Variants in KDM5A observed in about 807,000 individuals in gnomAD.
KDM5A encodes lysine-specific demethylase 5A.
KDM5A carries 42 observed loss-of-function variants against 193.5 expected under a neutral mutation model. The ratio of observed to expected loss-of-function variants is 0.22; its 90% confidence interval spans 0.17 to 0.28. The LOEUF (loss-of-function observed/expected upper bound fraction) is 0.28, where lower values mean the gene tolerates loss of function less well. Among genes scored for constraint, KDM5A ranks in the 10% least tolerant of loss-of-function variants. KDM5A has a pLI of 1.00. For synonymous variants in KDM5A, 796 were observed against 718.1 expected (o/e 1.11, Z -1.73); for missense variants, 1,692 against 2,055.1 (o/e 0.82, Z 3.42).
At chr12:291,026 T>C (rs1591895906) in intron 27 of KDM5A, among the ~76,000 whole-genome samples, 1 of 152,226 alleles carries the variant, frequency 6.6e-6, no homozygotes, top group East Asian at 1.9e-4. Flanking sequence ...GAAAGTTAAC[T>C]CTTCATCAGC....
At chr12:332,304 A>G (rs1943875931) in intron 12 of KDM5A, among the ~76,000 whole-genome samples, 1 of 152,196 alleles carries the variant, frequency 6.6e-6, no homozygotes, top group East Asian at 1.9e-4. Flanking sequence ...ACTTTTGGAT[A>G]ATTTTTTGGA....
chr12:355,507 T>C (rs1212226404), intron 6 of KDM5A, among the ~76,000 whole-genome samples: 1 of 152,220 alleles, frequency 6.6e-6, no homozygotes, highest in Non-Finnish European at 1.5e-5. Context: ...TACCCATTAA[T>C]GTTGTATGTG....
chr12:340,716 A>AAAAAAAAC (rs1943994442), intron 10 of KDM5A, among the ~76,000 whole-genome samples: 1 of 150,682 alleles, frequency 6.6e-6, no homozygotes, highest in Admixed American at 6.6e-5. Flanking sequence ...AAAAAAAAAA[A>AAAAAAAAC]AAACCATTAG....
chr12:336,352 T>C (rs1005006302), intron 10 of KDM5A, among the ~76,000 whole-genome samples: 1 of 134,654 alleles, frequency 7.4e-6, no homozygotes, highest in African/African-American at 2.9e-5. Flanking sequence ...TGAGACCCTG[T>C]CTCACTAAAA....
rs147165171 is a variant in KDM5A at position 281,403 on chromosome 12, T to C, written c.*4053A>G. ...TGCCCAGTGCACATCATTTGTTGCA[T>C]AGTGGTGACTGGATATGATCCAGGC... On this transcript the variant is annotated 3_prime_UTR_variant, in exon 28 of 28. Coordinates refer to ENST00000399788, the MANE Select transcript of KDM5A (RefSeq NM_001042603.3). The C allele has an allele frequency of 8.6e-5, 20 of 233,188 alleles. No individual in the cohort carries two copies. Among genetic ancestry groups the C allele is most frequent in the East Asian group, 4.2e-4 (7 of 16,562 alleles). 14.4% of individuals were successfully genotyped at this position (233,188 alleles called of 1,614,324 possible). A position where few individuals can be genotyped will look rare whatever the true frequency, so the allele number is the denominator to read the frequency against.
rs754664871 is a variant in KDM5A at position 310,995 on chromosome 12, G to A, written c.3106C>T (p.Arg1036Cys). ...LSAKGRPIPVRLEALPQVESQ... is the reference protein window; with the variant it reads ...LSAKGRPIPVCLEALPQVESQ... ...TCCACTTGCGGCAGTGCTTCAAGAC[G>A]CACAGGAATAGGGCGTCCTTTCGCA... The change falls in exon 21 of 28, where the codon CGT (arginine) becomes TGT (cysteine). Residue 1036 changes from arginine to cysteine, a missense_variant. By Grantham distance (180) the Arg-to-Cys change is radical. Transcript: ENST00000399788. The A allele has an allele frequency of 8.7e-6, 14 of 1,614,140 alleles. No homozygotes were observed. Among genetic ancestry groups the A allele is most frequent in the East Asian group, 4.5e-5 (2 of 44,886 alleles).
chr12:375,686 C>G (rs1944494031), intron 3 of KDM5A, among the ~76,000 whole-genome samples: 1 of 152,226 alleles, frequency 6.6e-6, no homozygotes, highest in Non-Finnish European at 1.5e-5. Flanking sequence ...TTTTTCTGCT[C>G]TGCTTTTTCC....
intron 18 of KDM5A, 68 bp downstream of exon 18, chr12:320,927 C>G: frequency 9.1e-7 from 1 of 1,098,662 alleles, no homozygotes; most frequent in East Asian, 2.4e-5. Context: ...ATATACCATT[C>G]TGTGAAACCC....
At chr12:375,329 C>G (rs1469643738) in intron 3 of KDM5A, among the ~76,000 whole-genome samples, 1 of 152,176 alleles carries the variant, frequency 6.6e-6, no homozygotes, top group Non-Finnish European at 1.5e-5. Context: ...ATTTGATCTT[C>G]AATCACTGAT....
intron 4 of KDM5A, among the ~76,000 whole-genome samples, chr12:365,505 G>A (rs975530521): frequency 2.6e-5 from 4 of 152,198 alleles, no homozygotes; most frequent in Admixed American, 2.6e-4. Context: ...GGGTGGTACA[G>A]GAACCAACTA....
intron 10 of KDM5A, among the ~76,000 whole-genome samples, chr12:347,857 G>C (rs1424154211): frequency 1.3e-5 from 2 of 152,104 alleles, no homozygotes; most frequent in East Asian, 3.9e-4. Context: ...GCATGGGCAA[G>C]GACTTCATGA....
intron 13 of KDM5A, among the ~76,000 whole-genome samples, chr12:331,229 T>A (rs896134735): frequency 6.6e-6 from 1 of 152,182 alleles, no homozygotes; most frequent in Non-Finnish European, 1.5e-5. Context: ...ATAAGCCTGA[T>A]CACCTTAATA....
chr12:354,850 A>G (rs1281147817), intron 7 of KDM5A, among the ~76,000 whole-genome samples: 1 of 152,202 alleles, frequency 6.6e-6, no homozygotes, highest in Non-Finnish European at 1.5e-5. Context: ...TTCTTCCCAT[A>G]TACAAATCCT....
intron 24 of KDM5A, 166 bp downstream of exon 24, chr12:306,780 T>A: frequency 1.3e-6 from 1 of 745,794 alleles, no homozygotes; most frequent in Non-Finnish European, 2.3e-6. Flanking sequence ...CAACCTGTAA[T>A]GTTTTGAGTT....
intron 24 of KDM5A, among the ~76,000 whole-genome samples, chr12:305,143 T>C (rs1289003461): frequency 1.3e-5 from 2 of 152,212 alleles, no homozygotes; most frequent in African/African-American, 4.8e-5. Flanking sequence ...TCAAGAACTG[T>C]ACGCAACTGT....
intron 6 of KDM5A, among the ~76,000 whole-genome samples, chr12:355,455 A>G (rs1474804972): frequency 6.6e-6 from 1 of 152,238 alleles, no homozygotes; most frequent in Non-Finnish European, 1.5e-5. Context: ...ACAGCAAGGC[A>G]AATTTAAGAT....
At position 354,093 on chromosome 12, in the gene KDM5A, G is replaced by A; in HGVS notation, c.1012C>T (p.Pro338Ser). ...ACGTGTACCTCGGCGACACATTTAG[G>A]ACACCTCCAGTCTCCTTTGGGCACA... ...PDVPKGDWRCPKCVAEECSKP... is the reference protein window; with the variant it reads ...PDVPKGDWRCSKCVAEECSKP... Residue 338 changes from proline (P) to serine (S), a missense_variant, in exon 8 of 28, where the codon CCT (proline) becomes TCT (serine). By Grantham distance (74) the Pro-to-Ser change is moderately conservative (BLOSUM62 -1). Transcript: ENST00000399788. 1 of 1,613,770 alleles carries A rather than the reference G, an allele frequency of 6.2e-7. No individual in the cohort carries two copies. The highest frequency in any genetic ancestry group is 8.5e-7 in the Non-Finnish European group (1 of 1,179,796).
At chr12:321,360 T>C (rs1209300305) in intron 17 of KDM5A, among the ~76,000 whole-genome samples, 6 of 152,230 alleles carry the variant, frequency 3.9e-5, no homozygotes, top group Non-Finnish European at 8.8e-5. Context: ...AAATTCCTCA[T>C]AGTTGGAATA....
rs190352671 is a variant in KDM5A, at chr12:384,815, A to G, written c.244-662T>C. Among the ~76,000 whole-genome samples the G allele has an allele frequency of 1.0e-3, 152 of 152,350 alleles. 1 individual carries two copies. The highest frequency in any genetic ancestry group is 3.4e-3 in the Middle Eastern group (1 of 294). On this transcript the variant is annotated intron_variant, in intron 2 of 27. Transcript: ENST00000399788. ...CATTTCATCCATATGTAACATGCAC[A>G]CTTTAGGTGCATCAACTCTATACCT...
Sources: gnomAD v4.1 joint callset for allele counts (sites outside exome capture counted in the v4.1 genomes callset) on GRCh38, gnomAD v4.1.1 for gene constraint, MANE v1.5 for transcripts, NCBI Gene and HGNC (gene_info 2026-07-23, HGNC 2026-07-21) for gene names.